Variants in FMNL2 observed in about 807,000 individuals in gnomAD.
The protein encoded by FMNL2 is formin like 2, also known as formin-like protein 2.
Under a neutral mutation model 130.2 loss-of-function variants are expected in FMNL2, and 51 were observed. The ratio of observed to expected loss-of-function variants is 0.39; its 90% CI spans 0.31 to 0.49. The LOEUF is 0.49. FMNL2 is among the 20% of genes least tolerant of loss of function. FMNL2 has a pLI of 0.85. For synonymous variants in FMNL2, 465 were observed against 467.1 expected (o/e 1.00, Z 0.06); for missense variants, 977 against 1,316.2 (o/e 0.74, Z 3.99).
intron 1 of FMNL2, among the ~76,000 whole-genome samples, chr2:152,407,912 G>A (rs1686075751): frequency 6.6e-6 from 1 of 152,208 alleles, no homozygotes; most frequent in African/African-American, 2.4e-5. Flanking sequence ...AACAGTTCCT[G>A]TAGCTCTTCC....
At chr2:152,566,477 C>T (rs1458432009) in intron 6 of FMNL2, among the ~76,000 whole-genome samples, 5 of 152,026 alleles carry the variant, frequency 3.3e-5, no homozygotes, top group Admixed American at 2.6e-4. Flanking sequence ...TTGGGTCGAA[C>T]AGTAAGTGAA....
chr2:152,399,019 C>T (rs999461843), intron 1 of FMNL2, among the ~76,000 whole-genome samples: 3 of 152,140 alleles, frequency 2.0e-5, no homozygotes, highest in East Asian at 1.9e-4. Flanking sequence ...GTGGTGGCCA[C>T]GGAGACAGGA....
chr2:152,447,764 C>T (rs1049635813), intron 1 of FMNL2, among the ~76,000 whole-genome samples: 20 of 152,146 alleles, frequency 1.3e-4, no homozygotes, highest in African/African-American at 4.3e-4. Context: ...TTTCCCTTCC[C>T]TTTCCTCCAG....
At chr2:152,366,041 C>T (rs1277633831) in intron 1 of FMNL2, among the ~76,000 whole-genome samples, 1 of 151,824 alleles carries the variant, frequency 6.6e-6, no homozygotes, top group Non-Finnish European at 1.5e-5. Context: ...GTCATGGATC[C>T]CAGGTTTAGA....
intron 2 of FMNL2, among the ~76,000 whole-genome samples, chr2:152,527,529 G>T (rs1693453341): frequency 1.3e-5 from 2 of 152,084 alleles, no homozygotes; most frequent in Non-Finnish European, 2.9e-5. Context: ...CTGGGACTTG[G>T]TTTATCCTGG....
chr2:152,567,891 TTTTC>T (rs200548337), intron 6 of FMNL2, among the ~76,000 whole-genome samples: 2,532 of 152,294 alleles, frequency 0.017, 80 homozygotes, highest in African/African-American at 0.057. Context: ...AAAATATAGC[TTTTC>T]TTTTACTTGT....
At chr2:152,480,731 G>T (rs763367150) in intron 1 of FMNL2, among the ~76,000 whole-genome samples, 7 of 151,708 alleles carry the variant, frequency 4.6e-5, no homozygotes, top group African/African-American at 1.5e-4. Context: ...TCTACCAAGG[G>T]CTATGCAGTA....
At chr2:152,613,445 T>A (rs1403871228) in intron 11 of FMNL2, among the ~76,000 whole-genome samples, 1 of 152,218 alleles carries the variant, frequency 6.6e-6, no homozygotes, top group Non-Finnish European at 1.5e-5. Flanking sequence ...CTCCTTTTGT[T>A]CTAGCCTTTG....
chr2:152,381,916 G>A (rs1456596069), intron 1 of FMNL2, among the ~76,000 whole-genome samples: 1 of 151,728 alleles, frequency 6.6e-6, no homozygotes, highest in African/African-American at 2.4e-5. Flanking sequence ...GCCCACCTCA[G>A]CCTCCTGAGG....
At chr2:152,340,059 A>T (rs1681711650) in intron 1 of FMNL2, among the ~76,000 whole-genome samples, 1 of 152,016 alleles carries the variant, frequency 6.6e-6, no homozygotes, top group African/African-American at 2.4e-5. Context: ...GGTGGCTTGC[A>T]CCTGTAGTCC....
At chr2:152,601,216 A>G (rs1166079964) in intron 9 of FMNL2, among the ~76,000 whole-genome samples, 1 of 150,064 alleles carries the variant, frequency 6.7e-6, no homozygotes, top group Non-Finnish European at 1.5e-5. Context: ...ATTCCCCCTT[A>G]CTCCCAAAGC....
intron 1 of FMNL2, among the ~76,000 whole-genome samples, chr2:152,429,145 C>A (rs1335175318): frequency 6.7e-6 from 1 of 150,366 alleles, no homozygotes. Context: ...ACGTAACAAA[C>A]CTGCACATCC....
At chr2:152,533,276 GTCTA>G (rs1377618853) in intron 2 of FMNL2, among the ~76,000 whole-genome samples, 16 of 152,184 alleles carry the variant, frequency 1.1e-4, no homozygotes, top group African/African-American at 2.4e-4. Context: ...TTCCTCATCT[GTCTA>G]TCTATCATCT....
At chr2:152,479,561 A>G (rs1579766606) in intron 1 of FMNL2, among the ~76,000 whole-genome samples, 1 of 152,260 alleles carries the variant, frequency 6.6e-6, no homozygotes, top group Non-Finnish European at 1.5e-5. Context: ...AGTCTGTATG[A>G]TATCAATTTT....
At chr2:152,591,008 TTTTTTTTTTTTTTTTTG>T (rs1697406654) in intron 9 of FMNL2, among the ~76,000 whole-genome samples, 3 of 56,634 alleles carry the variant, frequency 5.3e-5, no homozygotes, top group African/African-American at 2.7e-4. Context: ...TTTTTTTTTT[TTTTTTTTTTTTTTTTTG>T]AGACAGCATC....
chr2:152,642,767 G>A (rs1291651975), intron 25 of FMNL2, among the ~76,000 whole-genome samples: 1 of 152,200 alleles, frequency 6.6e-6, no homozygotes, highest in African/African-American at 2.4e-5. Context: ...AAGCACTTTG[G>A]GAGGGTGAGG....
Position 152,521,902 on chromosome 2 carries a change from T to C in FMNL2, c.118-41T>C, listed in dbSNP as rs534742882. 75 of 1,515,964 alleles carry C rather than the reference T, an allele frequency of 4.9e-5. 1 individual carries two copies. Among genetic ancestry groups the C allele is most frequent in the Non-Finnish European group, 6.8e-5 (74 of 1,091,492 alleles). The allele number at this position is 1,515,964 out of a possible 1,614,324, so 93.9% of individuals were successfully genotyped here. Reference sequence around the variant, plus strand: ...AAGTTACCAATTTGGAAGCCTGCTGTGGAATGTGACATCTTTTCTCTCTTT... The same window carrying C: ...AAGTTACCAATTTGGAAGCCTGCTGCGGAATGTGACATCTTTTCTCTCTTT... On this transcript the variant is annotated intron_variant, in intron 1 of 25. Coordinates refer to ENST00000288670, the MANE Select transcript of FMNL2 (RefSeq NM_052905.4).
chr2:152,519,554 TTGCCGTTTTGCTCTCC>T (rs1468092619), intron 1 of FMNL2, among the ~76,000 whole-genome samples: 9 of 152,246 alleles, frequency 5.9e-5, no homozygotes, highest in East Asian at 3.8e-4. Flanking sequence ...TCATAAGCTA[TTGCCGTTTTGCTCTCC>T]TGCAAAAAAA....
intron 1 of FMNL2, among the ~76,000 whole-genome samples, chr2:152,372,817 T>C (rs1028838608): frequency 2.6e-5 from 4 of 152,242 alleles, no homozygotes; most frequent in African/African-American, 9.6e-5. Context: ...TCTGGTTTCA[T>C]TGAAGGCTAC....
Sources: allele counts gnomAD v4.1 joint callset (sites outside exome capture counted in the v4.1 genomes callset), GRCh38; gene constraint gnomAD v4.1.1; transcripts MANE v1.5; gene names NCBI Gene and HGNC (gene_info 2026-07-23, HGNC 2026-07-21).